Variants in HMCN1 observed in about 807,000 individuals in gnomAD.
HMCN1 encodes hemicentin-1.
In HMCN1, 321 loss-of-function variants were observed where a neutral mutation model predicts 625.9. That is an observed-to-expected ratio of 0.51 (90% CI 0.47 to 0.56). HMCN1 has a LOEUF of 0.56. HMCN1 is among the 20% of genes least tolerant of loss of function. HMCN1 has a pLI of 0.00. For synonymous variants in HMCN1, 2,425 were observed against 2,417.6 expected, an observed-to-expected ratio of 1.00 and a Z score of -0.09; for missense variants, 6,588 against 6,887.3, an observed-to-expected ratio of 0.96 and a Z score of 1.54.
At position 186,049,150 on chromosome 1, in the gene HMCN1, G is replaced by A. The variant is rs545448840; in HGVS notation, c.6577+311G>A. On this transcript the variant is annotated intron_variant, in intron 42 of 106. Coordinates refer to ENST00000271588, the MANE Select transcript of HMCN1 (RefSeq NM_031935.3). ...TTCTCTAGTAACTACTGGTGGGTTCGTCAATGGAAAGAAAATAAGCCAAAA... is the reference window on the plus strand; with the variant it reads ...TTCTCTAGTAACTACTGGTGGGTTCATCAATGGAAAGAAAATAAGCCAAAA... Among the ~76,000 whole-genome samples the A allele has an allele frequency of 1.9e-4, 29 of 152,052 alleles. 1 individual carries two copies. In the South Asian group the frequency reaches 4.8e-3, roughly 25 times the overall value.
At chr1:185,738,863 C>A (rs557663094) in intron 1 of HMCN1, among the ~76,000 whole-genome samples, 30 of 152,136 alleles carry the variant, frequency 2.0e-4, no homozygotes, top group Non-Finnish European at 3.8e-4. Flanking sequence ...CATACAACTT[C>A]TTTTTTTCCT....
At chr1:185,816,657 A>G (rs1659862157) in intron 1 of HMCN1, among the ~76,000 whole-genome samples, 1 of 152,202 alleles carries the variant, frequency 6.6e-6, no homozygotes, top group African/African-American at 2.4e-5. Flanking sequence ...TAGCAGAGAA[A>G]ATGACTCAGA....
chr1:186,075,915 G>A (rs1658784223), intron 53 of HMCN1, among the ~76,000 whole-genome samples: 1 of 152,106 alleles, frequency 6.6e-6, no homozygotes, highest in Non-Finnish European at 1.5e-5. Flanking sequence ...TGCTTTTGAT[G>A]TGCAGGCAAA....
chr1:186,137,086 T>C (rs939263861), intron 87 of HMCN1, 149 bp downstream of exon 87: 2 of 962,430 alleles, frequency 2.1e-6, no homozygotes, highest in South Asian at 1.4e-5. Context: ...AATTTACAGA[T>C]TGAAGGGCCT....
At chr1:186,028,791 C>A (rs1033648799) in intron 36 of HMCN1, among the ~76,000 whole-genome samples, 2 of 147,440 alleles carry the variant, frequency 1.4e-5, no homozygotes, top group African/African-American at 2.5e-5. Flanking sequence ...ATGGCGCGAT[C>A]TTGGCTCACT....
chr1:185,881,454 A>G (rs559593800), intron 4 of HMCN1, among the ~76,000 whole-genome samples: 1 of 152,272 alleles, frequency 6.6e-6, no homozygotes, highest in South Asian at 2.1e-4. Context: ...AGTCCCCAGT[A>G]TCCAGCTTCT....
At chr1:186,095,011 T>C (rs925533676) in intron 67 of HMCN1, among the ~76,000 whole-genome samples, 10 of 152,168 alleles carry the variant, frequency 6.6e-5, no homozygotes, top group Admixed American at 5.2e-4. Flanking sequence ...AAACACATTG[T>C]GCGTTCTGTA....
intron 52 of HMCN1, among the ~76,000 whole-genome samples, chr1:186,074,015 G>A (rs1345065179): frequency 2.0e-5 from 3 of 151,918 alleles, no homozygotes; most frequent in Non-Finnish European, 4.4e-5. Context: ...ATCTTTGTGG[G>A]CATTGAAATC....
At chr1:185,739,830 T>C (rs1021852098) in intron 1 of HMCN1, among the ~76,000 whole-genome samples, 32 of 152,052 alleles carry the variant, frequency 2.1e-4, no homozygotes, top group African/African-American at 7.7e-4. Context: ...GGAAAAGGGA[T>C]GGGGAGTTTG....
At chr1:185,993,855 T>C (rs1006489100) in intron 23 of HMCN1, among the ~76,000 whole-genome samples, 26 of 152,228 alleles carry the variant, frequency 1.7e-4, no homozygotes, top group African/African-American at 6.0e-4. Context: ...AGATGAAAGA[T>C]ATTCAAATAT....
chr1:185,748,169 T>C (rs945275515), intron 1 of HMCN1, among the ~76,000 whole-genome samples: 6 of 151,658 alleles, frequency 4.0e-5, no homozygotes, highest in Non-Finnish European at 5.9e-5. Flanking sequence ...CAAAGTGAAA[T>C]CTGTTATGCT....
intron 1 of HMCN1, among the ~76,000 whole-genome samples, chr1:185,769,232 G>T (rs1412751553): frequency 2.6e-5 from 4 of 152,172 alleles, no homozygotes; most frequent in Middle Eastern, 3.4e-3. Context: ...AGGATCACTG[G>T]AGCCCAGGAG....
In HMCN1 at chr1:185,911,693, A is replaced by G. The variant is rs1478551723; in HGVS notation, c.813A>G (p.Gly271=). 7 of 1,612,700 alleles carry G rather than the reference A, an allele frequency of 4.3e-6. No individual in the cohort carries two copies. Among genetic ancestry groups the G allele is most frequent in the Non-Finnish European group, 5.9e-6 (7 of 1,178,916 alleles). Residue 271 remains glycine, a synonymous_variant, in exon 6 of 107, where the codon GGA becomes GGG. Transcript: ENST00000271588. ...TTTCAGGGAAGCTGATAAAAAAGGG[A>G]TTTGGCCTGCATGAGCTATTAAATA... ...RNPLGKLIKK[G]FGLHELLNIH... is the part of the protein sequence containing the mutation.
At chr1:185,746,896 C>T (rs1028882961) in intron 1 of HMCN1, among the ~76,000 whole-genome samples, 6 of 151,984 alleles carry the variant, frequency 3.9e-5, no homozygotes, top group East Asian at 1.9e-4. Context: ...TGTGAGCCAC[C>T]GCAACCAGCC....
intron 86 of HMCN1, among the ~76,000 whole-genome samples, chr1:186,132,974 T>C (rs1662025603): frequency 6.6e-6 from 1 of 152,130 alleles, no homozygotes; most frequent in South Asian, 2.1e-4. Context: ...CATGAACTCA[T>C]CGTTTTTTAT....
intron 10 of HMCN1, among the ~76,000 whole-genome samples, chr1:185,931,990 T>G (rs542995774): frequency 6.6e-6 from 1 of 152,336 alleles, no homozygotes; most frequent in South Asian, 2.1e-4. Context: ...GATGCCCAGT[T>G]AAATTTGAAT....
At chr1:186,185,970 T>G (rs1245360111) in intron 105 of HMCN1, among the ~76,000 whole-genome samples, 1 of 152,200 alleles carries the variant, frequency 6.6e-6, no homozygotes, top group Non-Finnish European at 1.5e-5. Context: ...CTTTAAAAAA[T>G]TAACCACTAA....
At chr1:186,106,779 C>A in intron 69 of HMCN1, 105 bp from the exon 70 acceptor site, 1 of 840,892 alleles carries the variant, frequency 1.2e-6, no homozygotes. Flanking sequence ...CTTTAATTAT[C>A]TTGCTTTTGG....
intron 1 of HMCN1, among the ~76,000 whole-genome samples, chr1:185,787,137 ATGTATGTGTG>A (rs1657652536): frequency 7.6e-6 from 1 of 132,284 alleles, no homozygotes; most frequent in African/African-American, 3.0e-5. Flanking sequence ...AAGCGCCATG[ATGTATGTGTG>A]TGTGTGTGTG....
Sources: allele counts gnomAD v4.1 joint callset (sites outside exome capture counted in the v4.1 genomes callset), GRCh38; gene constraint gnomAD v4.1.1; transcripts MANE v1.5; gene names NCBI Gene and HGNC (gene_info 2026-07-23, HGNC 2026-07-21).